The following HMGXB4 variants were observed in gnomAD, a reference collection of about 807,000 sequenced individuals.
The protein encoded by HMGXB4 is HMG domain-containing protein 4.
Under a neutral mutation model 63.9 loss-of-function variants are expected in HMGXB4, and 27 were observed. That is an observed-to-expected ratio of 0.42 (90% confidence interval 0.31 to 0.58). HMGXB4 has a LOEUF of 0.58. HMGXB4 is among the 20% of genes least tolerant of loss of function. HMGXB4 has a pLI of 0.13. For synonymous variants in HMGXB4, 264 were observed against 265.3 expected, an observed-to-expected ratio of 0.99 and a Z score of 0.05; for missense variants, 624 against 700.7, an observed-to-expected ratio of 0.89 and a Z score of 1.24.
In HMGXB4 at chr22:35,262,881, G is replaced by A. The variant is rs532050657; in HGVS notation, c.32-197G>A. 20 of 607,352 alleles carry A rather than the reference G, an allele frequency of 3.3e-5. No homozygotes were observed. In the African/African-American group the frequency reaches 3.5e-4, roughly 11 times the overall value. 37.6% of individuals were successfully genotyped at this position (607,352 alleles called of 1,614,324 possible). The stretch of plus-strand genomic sequence containing the variant: ...TAGCATGGAAACATTGTTTCTTCAG[G>A]TTTGATTCTTGTATTTGCAGCTAGG... On this transcript the variant is annotated intron_variant, in intron 2 of 10. Transcript: ENST00000216106.
At chr22:35,254,401 G>A (rs1038768191), upstream of HMGXB4, among the ~76,000 whole-genome samples, 6 of 152,236 alleles carry the variant, frequency 3.9e-5, no homozygotes, top group African/African-American at 1.4e-4. Context: ...TACAGAGGAA[G>A]CACTTGAATA....
In HMGXB4 at chr22:35,271,750, A is replaced by G. The variant is rs374291698; in HGVS notation, c.1215+6147A>G. Among the ~76,000 whole-genome samples the G allele has an allele frequency of 2.8e-4, 42 of 152,354 alleles. No individual in the cohort carries two copies. The South Asian group carries it at 6.8e-3, about 25-fold the overall frequency. Reference sequence around the variant, plus strand: ...TTTTAAATACATTTTGAGACAAACAACAATACTTGACATCTCTCAGATACC... The same window carrying G: ...TTTTAAATACATTTTGAGACAAACAGCAATACTTGACATCTCTCAGATACC... On this transcript the variant is annotated intron_variant, in intron 5 of 10. Transcript: ENST00000216106.
In HMGXB4 at chr22:35,263,112, A is replaced by T. The variant is rs779559800; in HGVS notation, c.66A>T (p.Ile22=). ...ATGGTGATCATACCTTTGAGGACAT[A>T]GGACTTGCAGCTGGCCGAAGCCAAC... The part of the protein sequence containing the change: ...CFDGDHTFED[I]GLAAGRSQRE... The change falls in exon 3 of 11, where the codon ATA becomes ATT. Residue 22 remains isoleucine, a synonymous_variant. Coordinates refer to ENST00000216106, the MANE Select transcript of HMGXB4 (RefSeq NM_001003681.3). 44 of 1,613,942 alleles carry T rather than the reference A, an allele frequency of 2.7e-5. No homozygotes were observed. In the East Asian group the frequency reaches 9.6e-4, roughly 35 times the overall value.
intron 9 of HMGXB4, among the ~76,000 whole-genome samples, chr22:35,292,326 G>A (rs930671633): frequency 6.6e-5 from 10 of 152,056 alleles, no homozygotes; most frequent in African/African-American, 2.2e-4. Flanking sequence ...ATCTGGACCC[G>A]GGCAGTCTTG....
chr22:35,288,752 C>T (rs570928045), intron 9 of HMGXB4, among the ~76,000 whole-genome samples: 3 of 151,962 alleles, frequency 2.0e-5, no homozygotes, highest in South Asian at 2.1e-4. Context: ...GGAGGCCCAC[C>T]TGGGAGAATC....
the HMGXB4 span, among the ~76,000 whole-genome samples, chr22:35,242,530 G>GCT: frequency 0.038 from 5,599 of 145,872 alleles, 151 homozygotes; most frequent in African/African-American, 0.081. Context: ...ATAGTAATCT[G>GCT]CTCTCTCTCT....
the HMGXB4 span, among the ~76,000 whole-genome samples, chr22:35,247,136 TG>T: frequency 6.6e-6 from 1 of 152,210 alleles, no homozygotes; most frequent in Non-Finnish European, 1.5e-5. Flanking sequence ...AATTTTACCT[TG>T]TTTGGGCACT....
At chr22:35,245,237 C>T in the HMGXB4 span, among the ~76,000 whole-genome samples, 1 of 152,034 alleles carries the variant, frequency 6.6e-6, no homozygotes, top group African/African-American at 2.4e-5. Context: ...TCTGCTCCAC[C>T]TCCATTCTGC....
At chr22:35,285,611 C>T (rs778228297) in intron 6 of HMGXB4, among the ~76,000 whole-genome samples, 30 of 151,998 alleles carry the variant, frequency 2.0e-4, no homozygotes, top group Non-Finnish European at 4.1e-4. Context: ...CCTGTGGTCC[C>T]GCTACTTGGG....
chr22:35,260,678 T>C (rs2146396234), intron 1 of HMGXB4, among the ~76,000 whole-genome samples: 1 of 152,360 alleles, frequency 6.6e-6, no homozygotes, highest in South Asian at 2.1e-4. Flanking sequence ...TCTCTTACTT[T>C]GACCAAATCC....
upstream of HMGXB4, among the ~76,000 whole-genome samples, chr22:35,253,738 C>T (rs1008566902): frequency 6.6e-6 from 1 of 152,196 alleles, no homozygotes; most frequent in Non-Finnish European, 1.5e-5. Flanking sequence ...TAGGGACTGC[C>T]AGCCTGAGAG....
At chr22:35,287,817 G>A (rs938361925) in intron 8 of HMGXB4, among the ~76,000 whole-genome samples, 9 of 152,048 alleles carry the variant, frequency 5.9e-5, no homozygotes, top group African/African-American at 1.9e-4. Context: ...GCGTGGTGGC[G>A]CATACCTGTA....
At chr22:35,293,340 CT>C (rs1216780111) in intron 10 of HMGXB4, among the ~76,000 whole-genome samples, 2 of 152,212 alleles carry the variant, frequency 1.3e-5, no homozygotes, top group Non-Finnish European at 2.9e-5. Flanking sequence ...CATTCTAGCC[CT>C]TGAGGTACTA....
At chr22:35,289,646 A>C (rs1924811477) in intron 9 of HMGXB4, among the ~76,000 whole-genome samples, 1 of 152,222 alleles carries the variant, frequency 6.6e-6, no homozygotes, top group Non-Finnish European at 1.5e-5. Context: ...CAAATGGAGA[A>C]GTTAAGGTTC....
intron 1 of HMGXB4, among the ~76,000 whole-genome samples, chr22:35,259,616 T>G (rs1922709347): frequency 1.3e-5 from 2 of 152,232 alleles, no homozygotes; most frequent in Non-Finnish European, 1.5e-5. Flanking sequence ...ATCTGGTATC[T>G]TTCCAAAACT....
At chr22:35,249,175 C>T in the HMGXB4 span, among the ~76,000 whole-genome samples, 4 of 100,954 alleles carry the variant, frequency 4.0e-5, no homozygotes, top group East Asian at 2.8e-4. Flanking sequence ...TCTCCTGCCT[C>T]GGCCTCCTGA....
Position 35,287,355 on chromosome 22 carries a change from G to A in HMGXB4, c.1371G>A (p.Lys457=). The A allele has an allele frequency of 2.5e-6, 4 of 1,611,906 alleles. No individual in the cohort carries two copies. Among genetic ancestry groups the A allele is most frequent in the Non-Finnish European group, 3.4e-6 (4 of 1,178,468 alleles). ...CACTGATGTGATTGCAGATTTGGAA[G>A]CAAAAAGCTCAGTATCTGCAGCACA... ...QLPEKDKLIW[K]QKAQYLQHKQ... is the part of the protein sequence containing the mutation. Residue 457 remains lysine, a synonymous_variant, in exon 8 of 11, where the codon AAG becomes AAA. Coordinates refer to ENST00000216106, the MANE Select transcript of HMGXB4 (RefSeq NM_001003681.3).
intron 1 of HMGXB4, among the ~76,000 whole-genome samples, chr22:35,260,127 C>T (rs936174292): frequency 6.6e-6 from 1 of 152,232 alleles, no homozygotes; most frequent in Non-Finnish European, 1.5e-5. Context: ...TTATAAGTCT[C>T]AGGACCAGCC....
At chr22:35,278,858 T>C (rs1406257345) in intron 5 of HMGXB4, among the ~76,000 whole-genome samples, 1 of 121,484 alleles carries the variant, frequency 8.2e-6, no homozygotes, top group East Asian at 2.3e-4. Context: ...TGTGGCAGCA[T>C]AGCAAGACTG....
Sources: allele counts gnomAD v4.1 joint callset (sites outside exome capture counted in the v4.1 genomes callset), GRCh38; gene constraint gnomAD v4.1.1; transcripts MANE v1.5; gene names NCBI Gene and HGNC (gene_info 2026-07-23, HGNC 2026-07-21).